LSAMP: variants seen among roughly 807,000 people sequenced by gnomAD.
The protein encoded by LSAMP is limbic system associated membrane protein, also known as limbic system-associated membrane protein.
A neutral mutation model predicts 38.6 loss-of-function variants in LSAMP; 7 were observed. That is an observed-to-expected ratio of 0.18 (90% CI 0.10 to 0.34). The LOEUF (loss-of-function observed/expected upper bound fraction) is 0.34, where lower values mean the gene tolerates loss of function less well. Ranked by LOEUF, LSAMP falls within the 10% of genes least tolerant of loss-of-function variation. The pLI is 1.00. For synonymous variants in LSAMP, 154 were observed against 166.8 expected, an observed-to-expected ratio of 0.92 and a Z score of 0.59; for missense variants, 313 against 420.0, an observed-to-expected ratio of 0.75 and a Z score of 2.23.
intron 3 of LSAMP, among the ~76,000 whole-genome samples, chr3:116,009,943 G>T (rs1453470440): frequency 3.3e-5 from 5 of 152,226 alleles, no homozygotes; most frequent in South Asian, 2.1e-4. Context: ...TTGAGATGGA[G>T]TCTCACTCTG....
Position 115,826,956 on chromosome 3 carries a change from CTTTTTTT to C in LSAMP, c.919+14882_919+14888del, listed in dbSNP as rs67125824. On this transcript the variant is annotated intron_variant, in intron 6 of 6. Transcript: ENST00000490035. ...CCTCCAATTAATGGGATCATTCCGT[CTTTTTTT>C]TTTTTTTTTTTTTAAGCACTGCTGC... 5.1e-3 allele frequency among the ~76,000 whole-genome samples: 680 copies of C among 133,472 alleles called. 6 individuals are homozygous for C. The highest frequency in any genetic ancestry group is 0.018 in the African/African-American group (652 of 36,802). 87.6% of individuals were successfully genotyped at this position (133,472 alleles called of 152,430 possible).
At chr3:116,236,068 G>A (rs1422554375) in intron 1 of LSAMP, among the ~76,000 whole-genome samples, 1 of 151,774 alleles carries the variant, frequency 6.6e-6, no homozygotes, top group African/African-American at 2.4e-5. Context: ...ACTTTATATT[G>A]ACTATAATCA....
At chr3:115,855,050 G>A (rs1047184828) in intron 3 of LSAMP, among the ~76,000 whole-genome samples, 6 of 152,176 alleles carry the variant, frequency 3.9e-5, no homozygotes, top group Admixed American at 3.9e-4. Flanking sequence ...AGTAGAAGAA[G>A]GAGAGAACAA....
intron 1 of LSAMP, among the ~76,000 whole-genome samples, chr3:116,438,531 GA>G (rs1307885316): frequency 6.6e-6 from 1 of 152,130 alleles, no homozygotes; most frequent in African/African-American, 2.4e-5. Flanking sequence ...TTCAACTAAA[GA>G]GAAATCACTA....
chr3:116,254,719 T>A (rs2046728519), intron 1 of LSAMP, among the ~76,000 whole-genome samples: 1 of 152,188 alleles, frequency 6.6e-6, no homozygotes, highest in Non-Finnish European at 1.5e-5. Flanking sequence ...GTTTAGTGAT[T>A]TGACTTTTCA....
rs149186725 is a variant in LSAMP, at chr3:116,004,522, G to GTATATA, written c.514+14987_514+14992dup. 4.9e-3 allele frequency among the ~76,000 whole-genome samples: 705 copies of GTATATA among 145,046 alleles called. 4 individuals carry two copies. The highest frequency in any genetic ancestry group is 0.011 in the African/African-American group (429 of 38,902). ...CAAATGTGTGTGTGTATATATATGT[G>GTATATA]TATATATATATATACACACACACAC... On this transcript the variant is annotated intron_variant, in intron 3 of 6. Coordinates refer to ENST00000490035, the MANE Select transcript of LSAMP (RefSeq NM_002338.5).
At chr3:116,427,795 T>C (rs1192626369) in intron 1 of LSAMP, among the ~76,000 whole-genome samples, 1 of 152,112 alleles carries the variant, frequency 6.6e-6, no homozygotes, top group Non-Finnish European at 1.5e-5. Context: ...CTAGGCATAC[T>C]AACTACCCAT....
chr3:116,000,014 A>C (rs950741046), intron 3 of LSAMP, among the ~76,000 whole-genome samples: 3 of 152,092 alleles, frequency 2.0e-5, no homozygotes, highest in African/African-American at 7.2e-5. Context: ...GTGTGTGTGC[A>C]TGTATCTGTG....
intron 3 of LSAMP, among the ~76,000 whole-genome samples, chr3:116,017,713 C>A (rs767305920): frequency 6.6e-6 from 1 of 151,916 alleles, no homozygotes; most frequent in Non-Finnish European, 1.5e-5. Context: ...AAAAAGCAAA[C>A]GATTGCTTAG....
At chr3:116,234,831 C>A (rs936422476) in intron 1 of LSAMP, among the ~76,000 whole-genome samples, 2 of 151,864 alleles carry the variant, frequency 1.3e-5, no homozygotes, top group Non-Finnish European at 2.9e-5. Flanking sequence ...GTGGAATGTA[C>A]CTCCCAAAAT....
intron 3 of LSAMP, among the ~76,000 whole-genome samples, chr3:116,015,553 A>T (rs886390125): frequency 2.0e-5 from 3 of 152,168 alleles, no homozygotes. Context: ...TGAACTATAT[A>T]ACTGAAGAGG....
At chr3:116,337,278 T>C (rs551045653) in intron 1 of LSAMP, among the ~76,000 whole-genome samples, 117 of 152,082 alleles carry the variant, frequency 7.7e-4, no homozygotes, top group Non-Finnish European at 1.3e-3. Context: ...ATGATGTATT[T>C]GGTACACTAA....
At chr3:115,978,156 C>A (rs143639255) in intron 3 of LSAMP, among the ~76,000 whole-genome samples, 1 of 152,010 alleles carries the variant, frequency 6.6e-6, no homozygotes, top group Non-Finnish European at 1.5e-5. Flanking sequence ...CCTGCCACCA[C>A]GCCCAGCGAC....
At chr3:116,273,697 TATATATATATAC>T (rs1375373613) in intron 1 of LSAMP, among the ~76,000 whole-genome samples, 1 of 125,444 alleles carries the variant, frequency 8.0e-6, no homozygotes, top group African/African-American at 3.7e-5. Context: ...TATATATATA[TATATATATATAC>T]ACACACACAC....
At chr3:115,940,523 G>A (rs1937883736) in intron 3 of LSAMP, among the ~76,000 whole-genome samples, 1 of 152,092 alleles carries the variant, frequency 6.6e-6, no homozygotes, top group African/African-American at 2.4e-5. Context: ...AGCTCAGCTG[G>A]CTTCACCTCT....
In LSAMP at chr3:115,807,832, T is replaced by C. The variant is rs1435688375; in HGVS notation, c.*2485A>G. ...AATAAATTGATGCTGCATAGGAATATGGCTCACCTTCCCTATATTTTACTA... is the reference window on the plus strand; with the variant it reads ...AATAAATTGATGCTGCATAGGAATACGGCTCACCTTCCCTATATTTTACTA... On this transcript the variant is annotated 3_prime_UTR_variant, in exon 7 of 7. Coordinates refer to ENST00000490035, the MANE Select transcript of LSAMP (RefSeq NM_002338.5). 6.6e-6 allele frequency: 1 copy of C among 152,168 alleles called. No individual in the cohort carries two copies. Among genetic ancestry groups the C allele is most frequent in the African/African-American group, 2.4e-5 (1 of 41,440 alleles). The allele number at this position is 152,168 out of a possible 1,614,324, so 9.4% of individuals were successfully genotyped here. A position where few individuals can be genotyped will look rare whatever the true frequency, so the allele number is the denominator to read the frequency against.
At chr3:115,911,345 C>T (rs566733094) in intron 3 of LSAMP, among the ~76,000 whole-genome samples, 2 of 152,182 alleles carry the variant, frequency 1.3e-5, no homozygotes, top group South Asian at 4.2e-4. Context: ...GCTATATACA[C>T]TTGTGTATGG....
chr3:115,960,831 A>AT (rs953752081), intron 3 of LSAMP, among the ~76,000 whole-genome samples: 1 of 152,162 alleles, frequency 6.6e-6, no homozygotes, highest in African/African-American at 2.4e-5. Context: ...AAAATCGTTA[A>AT]TTTTTTTCCC....
At chr3:116,069,252 C>T (rs1161085361) in intron 2 of LSAMP, among the ~76,000 whole-genome samples, 1 of 152,184 alleles carries the variant, frequency 6.6e-6, no homozygotes, top group Non-Finnish European at 1.5e-5. Context: ...TTCCACATGT[C>T]CTAGTTCTGC....
Sources: gnomAD v4.1 joint callset for allele counts (sites outside exome capture counted in the v4.1 genomes callset) on GRCh38, gnomAD v4.1.1 for gene constraint, MANE v1.5 for transcripts, NCBI Gene and HGNC (gene_info 2026-07-23, HGNC 2026-07-21) for gene names.